Variants in CALCOCO2 observed in about 807,000 individuals in gnomAD.
CALCOCO2 encodes the protein calcium binding and coiled-coil domain 2, also known as calcium-binding and coiled-coil domain-containing protein 2.
Under a neutral mutation model 62.5 loss-of-function variants are expected in CALCOCO2, and 42 were observed. That is an observed-to-expected ratio of 0.67 (90% CI 0.53 to 0.87). The LOEUF (loss-of-function observed/expected upper bound fraction) is 0.87. Ranked by LOEUF, CALCOCO2 falls within the 40% of genes least tolerant of loss-of-function variation. The pLI is 0.00. For synonymous variants in CALCOCO2, 167 were observed against 173.0 expected, an observed-to-expected ratio of 0.97 and a Z score of 0.27; for missense variants, 456 against 515.0, an observed-to-expected ratio of 0.89 and a Z score of 1.11.
chr17:48,837,360 T>C (rs755293389), intron 1 of CALCOCO2, among the ~76,000 whole-genome samples: 170 of 152,172 alleles, frequency 1.1e-3, no homozygotes, highest in Middle Eastern at 3.4e-3. Flanking sequence ...AAAAACTCTT[T>C]TGAGCCGGGC....
chr17:48,858,768 C>G (rs576632408), intron 10 of CALCOCO2, among the ~76,000 whole-genome samples: 12 of 151,836 alleles, frequency 7.9e-5, no homozygotes, highest in Admixed American at 2.6e-4. Flanking sequence ...TTGTTAAGAA[C>G]TGTAGGCCGG....
chr17:48,848,209 A>G lies in CALCOCO2; in HGVS notation c.283+43A>G, dbSNP rs945309545. On this transcript the variant is annotated intron_variant, in intron 3 of 12. Coordinates refer to ENST00000258947, the MANE Select transcript of CALCOCO2 (RefSeq NM_005831.5). ...TCAAAGGTGTTGAAGACAGTAGCCA[A>G]GACTAATTAATTCCCTTCAGCTTGA... The G allele has an allele frequency of 5.2e-6, 8 of 1,525,382 alleles. No individual in the cohort carries two copies. The Admixed American group carries it at 1.2e-4, about 23-fold the overall frequency. The allele number at this position is 1,525,382 out of a possible 1,614,324, so 94.5% of individuals were successfully genotyped here.
intron 1 of CALCOCO2, 161 bp from the exon 2 acceptor site, chr17:48,841,537 C>T (rs779375008): frequency 8.2e-6 from 4 of 489,400 alleles, no homozygotes; most frequent in Non-Finnish European, 1.1e-5. Flanking sequence ...TGAGATGGCT[C>T]GAAGTGAAAC....
chr17:48,862,315 G>A lies in CALCOCO2; in HGVS notation c.1173+11G>A, dbSNP rs1456602811. 4 of 1,566,588 alleles carry A rather than the reference G, an allele frequency of 2.6e-6. No individual in the cohort carries two copies. Among genetic ancestry groups the A allele is most frequent in the Non-Finnish European group, 2.6e-6 (3 of 1,136,804 alleles). ...TCTTCCCCCAGCCCGGTAAGTATTT[G>A]ATTCATGAGAATATTCCCACAAAGC... is the stretch of plus-strand genomic sequence containing the variant. On this transcript the variant is annotated intron_variant, in intron 12 of 12. Transcript: ENST00000258947.
chr17:48,847,844 G>A (rs1479483091), intron 2 of CALCOCO2: 3 of 397,432 alleles, frequency 7.5e-6, no homozygotes, highest in East Asian at 4.9e-5. Context: ...TAATGGAGAC[G>A]GGTTTTCACC....
intron 9 of CALCOCO2, among the ~76,000 whole-genome samples, chr17:48,853,452 CTAA>C (rs2040162139): frequency 6.6e-6 from 1 of 152,118 alleles, no homozygotes; most frequent in Admixed American, 6.6e-5. Context: ...GGCTAATTGA[CTAA>C]TAATTTCCTG....
At chr17:48,838,923 G>A (rs1370119499) in intron 1 of CALCOCO2, among the ~76,000 whole-genome samples, 3 of 152,074 alleles carry the variant, frequency 2.0e-5, no homozygotes, top group African/African-American at 7.2e-5. Context: ...TGTTAGACCA[G>A]CTAGTCATTT....
At chr17:48,844,676 C>T (rs1223573026) in intron 2 of CALCOCO2, among the ~76,000 whole-genome samples, 3 of 152,054 alleles carry the variant, frequency 2.0e-5, no homozygotes, top group Non-Finnish European at 2.9e-5. Context: ...CACCACCATG[C>T]GCAGCTAATT....
rs77355657 is a variant in CALCOCO2, at chr17:48,860,978, G to C, written c.1144+529G>C. ...TCATTTGTCTCCAAAAGCAATATGA[G>C]ATCTCATTTACTTTTTGGGACAGTT... On this transcript the variant is annotated intron_variant, in intron 11 of 12. Transcript: ENST00000258947. 2.2e-3 allele frequency among the ~76,000 whole-genome samples: 330 copies of C among 152,290 alleles called. 2 individuals carry two copies. Among genetic ancestry groups the C allele is most frequent in the African/African-American group, 7.5e-3 (311 of 41,556 alleles).
chr17:48,853,189 G>A, intron 9 of CALCOCO2, 177 bp downstream of exon 9: 2 of 561,822 alleles, frequency 3.6e-6, no homozygotes, highest in South Asian at 4.3e-5. Context: ...TTTAGAAGTG[G>A]GCATTTCTAA....
Position 48,861,661 on chromosome 17 carries a change from G to GTATATATATATA in CALCOCO2, c.1145-610_1145-599dup, listed in dbSNP as rs59973644. ...TATGTATATATATATATGTGTGTGT[G>GTATATATATATA]TATATATATATATATAAAGCCTGTG... On this transcript the variant is annotated intron_variant, in intron 11 of 12. Coordinates refer to ENST00000258947, the MANE Select transcript of CALCOCO2 (RefSeq NM_005831.5). 3.2e-4 allele frequency among the ~76,000 whole-genome samples: 43 copies of GTATATATATATA among 135,158 alleles called. 1 individual carries two copies. The highest frequency in any genetic ancestry group is 1.1e-3 in the African/African-American group (38 of 33,970). The allele number at this position is 135,158 out of a possible 152,430, so 88.7% of individuals were successfully genotyped here.
chr17:48,861,430 G>A (rs547803927), intron 11 of CALCOCO2, among the ~76,000 whole-genome samples: 43 of 151,850 alleles, frequency 2.8e-4, no homozygotes, highest in Non-Finnish European at 5.3e-4. Context: ...TGCCCAGGCC[G>A]GTTTCGAACT....
chr17:48,860,738 A>T (rs2040314333), intron 11 of CALCOCO2, among the ~76,000 whole-genome samples: 1 of 152,242 alleles, frequency 6.6e-6, no homozygotes, highest in Non-Finnish European at 1.5e-5. Context: ...TGTAGAAGAT[A>T]TACACATACA....
chr17:48,833,883 CT>C (rs2039852398), intron 1 of CALCOCO2, among the ~76,000 whole-genome samples: 1 of 152,036 alleles, frequency 6.6e-6, no homozygotes, highest in Non-Finnish European at 1.5e-5. Flanking sequence ...AATCCCAGCA[CT>C]TTGGGAGGCC....
chr17:48,846,043 A>T, intron 2 of CALCOCO2: 1 of 1,474,512 alleles, frequency 6.8e-7, no homozygotes, highest in Non-Finnish European at 9.1e-7. Flanking sequence ...GTGTAGTCTT[A>T]ATCAGACTAT....
chr17:48,851,510 C>T, intron 6 of CALCOCO2, 49 bp from the exon 7 acceptor site: 5 of 1,065,708 alleles, frequency 4.7e-6, no homozygotes, highest in Non-Finnish European at 5.9e-6. Context: ...CCAGGGGTAG[C>T]TGACCTGGAA....
rs2040365870 is a variant in CALCOCO2 at position 48,864,261 on chromosome 17, A to C, written c.*1256A>C. ...GTGTTTTTAGTAGAGACAGGGTTTC[A>C]CTATGTTGGCCAGGCTGGTCTCGAA... On this transcript the variant is annotated 3_prime_UTR_variant, in exon 13 of 13. Transcript: ENST00000258947. The C allele has an allele frequency of 6.6e-6, 1 of 152,104 alleles. No homozygotes were observed. 9.4% of individuals were successfully genotyped at this position (152,104 alleles called of 1,614,324 possible). A position where few individuals can be genotyped will look rare whatever the true frequency, so the allele number is the denominator to read the frequency against.
At chr17:48,849,630 C>T (rs1013596764) in intron 5 of CALCOCO2, among the ~76,000 whole-genome samples, 9 of 151,906 alleles carry the variant, frequency 5.9e-5, no homozygotes, top group Admixed American at 3.3e-4. Flanking sequence ...CTCAGCCTCC[C>T]GAGTAGCTGG....
rs903778408 is a variant in CALCOCO2 at position 48,840,836 on chromosome 17, A to C, written c.-10-862A>C. Among the ~76,000 whole-genome samples, 10 of 152,158 alleles carry C rather than the reference A, an allele frequency of 6.6e-5. 1 individual carries two copies. The highest frequency in any genetic ancestry group is 6.6e-5 in the Admixed American group (1 of 15,264). ...TTTAAGGTTGTACCAGGAAAAAAAA[A>C]CCCACAACTACAACAGTAATAACTA... On this transcript the variant is annotated intron_variant, in intron 1 of 12. Coordinates refer to ENST00000258947, the MANE Select transcript of CALCOCO2 (RefSeq NM_005831.5).
Sources: gnomAD v4.1 joint callset for allele counts (sites outside exome capture counted in the v4.1 genomes callset) on GRCh38, gnomAD v4.1.1 for gene constraint, MANE v1.5 for transcripts, NCBI Gene and HGNC (gene_info 2026-07-23, HGNC 2026-07-21) for gene names.